The following PCM1 variants were observed in gnomAD, a reference collection of about 807,000 sequenced individuals.
PCM1 encodes pericentriolar material 1 protein.
In PCM1, 157 loss-of-function variants were observed where a neutral mutation model predicts 241.9. That is an observed-to-expected ratio of 0.65 (90% confidence interval 0.57 to 0.74). The LOEUF is 0.74. Among genes scored for constraint, PCM1 ranks in the 30% least tolerant of loss-of-function variants. The pLI is 0.00. For synonymous variants in PCM1, 1,085 were observed against 784.9 expected, an observed-to-expected ratio of 1.38 and a Z score of -6.39; for missense variants, 3,478 against 2,360.1, an observed-to-expected ratio of 1.47 and a Z score of -9.81.
chr8:17,961,337 G>C, intron 15 of PCM1, among the ~76,000 whole-genome samples: 1 of 119,214 alleles, frequency 8.4e-6, no homozygotes, highest in Non-Finnish European at 1.6e-5. Context: ...TTGAGACGGA[G>C]TCTCGCTCTG....
intron 2 of PCM1, among the ~76,000 whole-genome samples, chr8:17,928,232 T>A (rs2057760459): frequency 6.6e-6 from 1 of 152,198 alleles, no homozygotes; most frequent in Non-Finnish European, 1.5e-5. Context: ...ATATGAGCAC[T>A]GCTGGAAAAA....
intron 2 of PCM1, among the ~76,000 whole-genome samples, chr8:17,933,130 G>T (rs2059509303): frequency 6.6e-6 from 1 of 152,158 alleles, no homozygotes; most frequent in African/African-American, 2.4e-5. Flanking sequence ...TCATAGAATT[G>T]TTGTGAGGCT....
intron 19 of PCM1, 35 bp from the exon 20 acceptor site, chr8:17,966,293 A>C: frequency 6.2e-7 from 1 of 1,610,512 alleles, no homozygotes; most frequent in Non-Finnish European, 8.5e-7. Flanking sequence ...TTCTCAAGTC[A>C]TCAGTAACTA....
At chr8:18,007,404 A>C (rs530923812) in intron 30 of PCM1, among the ~76,000 whole-genome samples, 1 of 152,244 alleles carries the variant, frequency 6.6e-6, no homozygotes, top group Non-Finnish European at 1.5e-5. Context: ...TAGTACTAAC[A>C]GATAATTTCT....
intron 29 of PCM1, among the ~76,000 whole-genome samples, chr8:18,003,888 A>G (rs114030360): frequency 1.3e-5 from 2 of 152,222 alleles, no homozygotes; most frequent in East Asian, 1.9e-4. Flanking sequence ...TTTCTTAGTT[A>G]ATGCTTGCTT....
intron 36 of PCM1, among the ~76,000 whole-genome samples, chr8:18,024,204 A>G (rs543236417): frequency 6.6e-6 from 1 of 152,290 alleles, no homozygotes; most frequent in Non-Finnish European, 1.5e-5. Flanking sequence ...CTGTCTCTAC[A>G]AAAAATTAAA....
At chr8:17,982,207 C>G (rs1487595630) in intron 24 of PCM1, among the ~76,000 whole-genome samples, 1 of 152,106 alleles carries the variant, frequency 6.6e-6, no homozygotes, top group African/African-American at 2.4e-5. Context: ...CAATCCTATT[C>G]TTCTGAACCC....
intron 26 of PCM1, 97 bp downstream of exon 26, chr8:17,986,184 T>C (rs949187911): frequency 2.8e-5 from 24 of 848,428 alleles, no homozygotes; most frequent in Non-Finnish European, 4.1e-5. Flanking sequence ...AGACCTAATA[T>C]ATTTGATTTT....
At chr8:17,999,166 A>G (rs1235951258) in intron 29 of PCM1, among the ~76,000 whole-genome samples, 1 of 152,016 alleles carries the variant, frequency 6.6e-6, no homozygotes, top group Non-Finnish European at 1.5e-5. Flanking sequence ...CTGGTACTTA[A>G]GGTGCAAGAC....
At chr8:18,006,570 A>T (rs553386075) in intron 30 of PCM1, among the ~76,000 whole-genome samples, 173 bp downstream of exon 30, 10 of 152,224 alleles carry the variant, frequency 6.6e-5, no homozygotes, top group African/African-American at 2.4e-4. Flanking sequence ...GGTTAAAATA[A>T]TATTGTATTA....
intron 36 of PCM1, among the ~76,000 whole-genome samples, chr8:18,015,277 G>C (rs376019105): frequency 2.0e-5 from 3 of 150,814 alleles, no homozygotes; most frequent in African/African-American, 4.9e-5. Flanking sequence ...TAGGAAATCT[G>C]TACTCATGAT....
intron 6 of PCM1, among the ~76,000 whole-genome samples, chr8:17,942,836 A>G (rs2062574058): frequency 6.6e-6 from 1 of 152,096 alleles, no homozygotes; most frequent in Non-Finnish European, 1.5e-5. Flanking sequence ...TTTACTAAAA[A>G]TACACGAAAA....
At chr8:17,987,793 T>A (rs1470351201) in intron 26 of PCM1, among the ~76,000 whole-genome samples, 1 of 151,884 alleles carries the variant, frequency 6.6e-6, no homozygotes, top group African/African-American at 2.4e-5. Context: ...TATGTCTGCA[T>A]TGTCTAATGC....
Position 17,930,101 on chromosome 8 carries a change from C to CT in PCM1, c.-23+5341dup, listed in dbSNP as rs3988353. Among the ~76,000 whole-genome samples the CT allele has an allele frequency of 5.1e-3, 557 of 109,274 alleles. 4 individuals are homozygous for CT. The highest frequency in any genetic ancestry group is 9.3e-3 in the African/African-American group (281 of 30,254). The allele number at this position is 109,274 out of a possible 152,430, so 71.7% of individuals were successfully genotyped here. A position where few individuals can be genotyped will look rare whatever the true frequency, so the allele number is the denominator to read the frequency against. On this transcript the variant is annotated intron_variant, in intron 2 of 38. Transcript: ENST00000325083. Reference sequence around the variant, plus strand: ...AGTCTTTTCGTTATTGGAATACTTCCTTTTTTTTTTTTTTTTTTTTGAGAC... The same window carrying CT: ...AGTCTTTTCGTTATTGGAATACTTCCTTTTTTTTTTTTTTTTTTTTTGAGAC...
chr8:18,005,665 G>A (rs1021434339), intron 29 of PCM1, among the ~76,000 whole-genome samples: 2 of 152,132 alleles, frequency 1.3e-5, no homozygotes, highest in Admixed American at 1.3e-4. Flanking sequence ...ACACTTGACT[G>A]AAGTGATTTG....
intron 29 of PCM1, among the ~76,000 whole-genome samples, chr8:17,999,639 G>A (rs1564287465): frequency 6.6e-6 from 1 of 152,140 alleles, no homozygotes; most frequent in African/African-American, 2.4e-5. Flanking sequence ...GAGGGGTGGC[G>A]TCAGCAATTC....
At chr8:17,940,063 G>T (rs754401485) in intron 6 of PCM1, 26 of 1,577,162 alleles carry the variant, frequency 1.6e-5, no homozygotes, top group Non-Finnish European at 2.1e-5. Context: ...TGAGGAGGAG[G>T]ATGTTCGGAC....
intron 22 of PCM1, among the ~76,000 whole-genome samples, chr8:17,971,011 G>A (rs1265140297): frequency 1.3e-5 from 2 of 152,164 alleles, no homozygotes; most frequent in East Asian, 1.9e-4. Context: ...GTTTATCATA[G>A]CCATTCATCT....
At chr8:17,975,131 G>A (rs1469665021) in intron 23 of PCM1, among the ~76,000 whole-genome samples, 3 of 152,070 alleles carry the variant, frequency 2.0e-5, no homozygotes, top group African/African-American at 4.8e-5. Flanking sequence ...AGATATGTAC[G>A]TGAAAGTCTG....
Sources: allele counts gnomAD v4.1 joint callset (sites outside exome capture counted in the v4.1 genomes callset), GRCh38; gene constraint gnomAD v4.1.1; transcripts MANE v1.5; gene names NCBI Gene and HGNC (gene_info 2026-07-23, HGNC 2026-07-21).